The following ISYNA1 variants were observed in gnomAD, a reference collection of about 807,000 sequenced individuals.
ISYNA1 encodes the protein MI-1-P synthase.
Under a neutral mutation model 50.3 loss-of-function variants are expected in ISYNA1, and 34 were observed. The ratio of observed to expected loss-of-function variants is 0.68; its 90% CI spans 0.51 to 0.90. The LOEUF (loss-of-function observed/expected upper bound fraction) is 0.90, where lower values mean the gene tolerates loss of function less well. Ranked by LOEUF, ISYNA1 falls within the 40% of genes least tolerant of loss-of-function variation. The pLI, the probability that ISYNA1 is intolerant of heterozygous loss-of-function variation, is 0.00. For synonymous variants in ISYNA1, 396 were observed against 349.9 expected (o/e 1.13, Z -1.47); for missense variants, 718 against 784.8 (o/e 0.91, Z 1.02).
chr19:18,437,348 TC>T, intron 3 of ISYNA1: 2 of 1,377,488 alleles, frequency 1.5e-6, no homozygotes, highest in Non-Finnish European at 1.9e-6. Flanking sequence ...TTCCACGGGG[TC>T]CGCCTGCAGC....
At position 18,435,107 on chromosome 19, in the gene ISYNA1, C is replaced by T. The variant is rs1973909196; in HGVS notation, c.1483G>A (p.Gly495Arg). ...AGCATGTGGTTCTGTGGCGGGAGCC[C>T]CACGCAGGCCCTGGAGAGGTCACAC... is the stretch of plus-strand genomic sequence containing the variant. ...CIENILRACV[G>R]LPPQNHMLLE... Residue 495 changes from glycine to arginine, a missense_variant, in exon 11 of 11, where the codon GGG becomes AGG. Around this residue, in one of 3 missense-constraint regions of ISYNA1, gnomAD observed 305 missense variants for 292.6 expected, o/e 1.04. Transcript: ENST00000338128. The T allele has an allele frequency of 2.5e-6, 4 of 1,613,198 alleles. No individual in the cohort carries two copies. Among genetic ancestry groups the T allele is most frequent in the Non-Finnish European group, 3.4e-6 (4 of 1,179,966 alleles).
In ISYNA1 at chr19:18,435,587, T is replaced by A; in HGVS notation, c.1230A>T (p.Thr410=). 3 of 1,609,092 alleles carry A rather than the reference T, an allele frequency of 1.9e-6. No individual in the cohort carries two copies. The highest frequency in any genetic ancestry group is 2.5e-6 in the Non-Finnish European group (3 of 1,178,098). ...TSELMLGGTN[T]LVLHNTCEDS... ...CCTCACACGTGTTGTGCAGCACCAGTGTGTTGGTTCCGCCCAGCATCAGCT... is the reference window on the plus strand; with the variant it reads ...CCTCACACGTGTTGTGCAGCACCAGAGTGTTGGTTCCGCCCAGCATCAGCT... Residue 410 remains threonine, a synonymous_variant, in exon 9 of 11, where the codon ACA becomes ACT. Transcript: ENST00000338128.
At position 18,434,878 on chromosome 19, in the gene ISYNA1, G is replaced by C. The variant is rs1378573011; in HGVS notation, c.*35C>G. ...CAAGGTAGGGTCGTGGGGGGCAGCG[G>C]GGAGGAAGAGCCGAGAAACTGTGTG... On this transcript the variant is annotated 3_prime_UTR_variant, in exon 11 of 11. Coordinates refer to ENST00000338128, the MANE Select transcript of ISYNA1 (RefSeq NM_016368.5). The C allele has an allele frequency of 6.3e-7, 1 of 1,577,748 alleles. No homozygotes were observed.
Position 18,438,066 on chromosome 19 carries a change from G to A in ISYNA1, c.-10+27C>T. On this transcript the variant is annotated intron_variant, in intron 1 of 10. Coordinates refer to ENST00000338128, the MANE Select transcript of ISYNA1 (RefSeq NM_016368.5). ...CAAGCCAGCCTGGGTCCCCACGGAG[G>A]CCGTCCCTGCCCCGAACCGCACTCA... The A allele has an allele frequency of 5.0e-6, 7 of 1,388,276 alleles. No individual in the cohort carries two copies. In the South Asian group the frequency reaches 8.4e-5, roughly 17 times the overall value. The allele number at this position is 1,388,276 out of a possible 1,614,324, so 86.0% of individuals were successfully genotyped here. A position where few individuals can be genotyped will look rare whatever the true frequency, so the allele number is the denominator to read the frequency against.
chr19:18,436,582 G>A (rs533150372), intron 5 of ISYNA1, 102 bp downstream of exon 5: 2 of 1,596,494 alleles, frequency 1.3e-6, no homozygotes, highest in Admixed American at 1.7e-5. Context: ...TCAGTTCCCC[G>A]GGTGTCAAGT....
In ISYNA1 at chr19:18,436,793, G is replaced by T. The variant is rs1334161508; in HGVS notation, c.500C>A (p.Pro167Gln). The T allele has an allele frequency of 1.9e-6, 3 of 1,582,028 alleles. No homozygotes were observed. Among genetic ancestry groups the T allele is most frequent in the Admixed American group, 3.9e-5 (2 of 50,854 alleles). The stretch of plus-strand genomic sequence containing the variant: ...CCGGGGCCGCAGGGCCTCCATGTGC[G>T]GCCACAGTTGCTCCTGCAGCCCCCA... The part of the protein sequence containing the change: ...LDWGLQEQLW[P>Q]HMEALRPRPS... Residue 167 changes from proline to glutamine, a missense_variant, in exon 5 of 11, where the codon CCG (proline) becomes CAG (glutamine). This residue lies in a region of ISYNA1 where 403 missense variants were observed against 466.6 expected (regional missense o/e 0.86). Coordinates refer to ENST00000338128, the MANE Select transcript of ISYNA1 (RefSeq NM_016368.5).
rs1002787875 is a variant in ISYNA1, at chr19:18,434,452, C to G, written c.*461G>C. 6.0e-6 allele frequency: 6 copies of G among 993,384 alleles called. No homozygotes were observed. The East Asian group carries it at 1.5e-4, about 25-fold the overall frequency. The allele number at this position is 993,384 out of a possible 1,614,324, so 61.5% of individuals were successfully genotyped here. A position where few individuals can be genotyped will look rare whatever the true frequency, so the allele number is the denominator to read the frequency against. ...ACGTTCTTTTCTGTATGGACCCTTC[C>G]TGCCATTTGTATTTTGTCCCAGAGA... On this transcript the variant is annotated 3_prime_UTR_variant, in exon 11 of 11. Transcript: ENST00000338128.
chr19:18,434,948 G>A lies in ISYNA1; in HGVS notation c.1642C>T (p.His548Tyr). ...TNGCTGDANG[H>Y]LQEEPPMPTT ...GGCATTGGGGGCTCCTCTTGCAGAT[G>A]CCCATTGGCATCACCGGTGCAGCCA... The change falls in exon 11 of 11, where the codon CAT becomes TAT. Residue 548 changes from histidine (H) to tyrosine (Y), a missense_variant. Coordinates refer to ENST00000338128, the MANE Select transcript of ISYNA1 (RefSeq NM_016368.5). 6.2e-7 allele frequency: 1 copy of A among 1,613,386 alleles called. No individual in the cohort carries two copies. The highest frequency in any genetic ancestry group is 8.5e-7 in the Non-Finnish European group (1 of 1,179,996).
chr19:18,437,858 A>AGGGGG lies in ISYNA1; in HGVS notation c.120+1_120+2insCCCCC. ...GCCTCCTTCCTCAGCCCCCTGGTCC[A>AGGGGG]CCTTGAGAACGCCACCCTCGCGGCT... On this transcript the variant is annotated splice_donor_variant, in intron 2 of 10. Transcript: ENST00000338128. LOFTEE classifies it high-confidence loss of function. The AGGGGG allele has an allele frequency of 6.2e-7, 1 of 1,611,404 alleles. No homozygotes were observed. The highest frequency in any genetic ancestry group is 8.5e-7 in the Non-Finnish European group (1 of 1,179,712).
At chr19:18,436,899 G>A in intron 4 of ISYNA1, 22 bp from the exon 5 acceptor site, 1 of 1,598,174 alleles carries the variant, frequency 6.3e-7, no homozygotes, top group Non-Finnish European at 8.5e-7. Flanking sequence ...CTCACACTCG[G>A]CCCTGCCCGG....
Position 18,436,849 on chromosome 19 carries a change from G to C in ISYNA1, c.444C>G (p.Ala148=). The change falls in exon 5 of 11, where the codon GCC becomes GCG. Residue 148 remains alanine, a synonymous_variant. Coordinates refer to ENST00000338128, the MANE Select transcript of ISYNA1 (RefSeq NM_016368.5). ...DGWDISSLNL[A]EAMRRAKVLD... Reference sequence around the variant, plus strand: ...GCACCTTCGCGCGCCGCATCGCCTCGGCCAGGTTCAGCGACGAGATGTCCC... The same window carrying C: ...GCACCTTCGCGCGCCGCATCGCCTCCGCCAGGTTCAGCGACGAGATGTCCC... 6.3e-7 allele frequency: 1 copy of C among 1,596,950 alleles called. No homozygotes were observed.
Position 18,435,117 on chromosome 19 carries a change from C to T in ISYNA1, c.1473G>A (p.Arg491=), listed in dbSNP as rs765859191. Residue 491 remains arginine (R), a splice_region_variant and synonymous_variant, in exon 11 of 11, where the codon AGG becomes AGA. Transcript: ENST00000338128. ...RQRSCIENIL[R]ACVGLPPQNH... is the part of the protein sequence containing the mutation. Reference sequence around the variant, plus strand: ...TCTGTGGCGGGAGCCCCACGCAGGCCCTGGAGAGGTCACACAGCTTAGCAG... The same window carrying T: ...TCTGTGGCGGGAGCCCCACGCAGGCTCTGGAGAGGTCACACAGCTTAGCAG... 1.2e-6 allele frequency: 2 copies of T among 1,612,760 alleles called. No individual in the cohort carries two copies. Among genetic ancestry groups the T allele is most frequent in the South Asian group, 1.1e-5 (1 of 91,014 alleles).
Position 18,434,836 on chromosome 19 carries a change from T to G in ISYNA1, c.*77A>C. On this transcript the variant is annotated 3_prime_UTR_variant, in exon 11 of 11. Coordinates refer to ENST00000338128, the MANE Select transcript of ISYNA1 (RefSeq NM_016368.5). Reference sequence around the variant, plus strand: ...GAAGGAGGGCTGAGTGGCAGCGCCTTTATTTGTGGGGGCCTTCAAGGTAGG... The same window carrying G: ...GAAGGAGGGCTGAGTGGCAGCGCCTGTATTTGTGGGGGCCTTCAAGGTAGG... The G allele has an allele frequency of 2.8e-5, 34 of 1,227,632 alleles. No individual in the cohort carries two copies. The highest frequency in any genetic ancestry group is 3.8e-5 in the Non-Finnish European group (32 of 840,114). 76.0% of individuals were successfully genotyped at this position (1,227,632 alleles called of 1,614,324 possible).
intron 5 of ISYNA1, 76 bp downstream of exon 5, chr19:18,436,608 G>A (rs1974058937): frequency 1.3e-6 from 2 of 1,599,234 alleles, no homozygotes; most frequent in Non-Finnish European, 1.7e-6. Context: ...CTGGATTCGC[G>A]GGGTGGGGCA....
In ISYNA1 at chr19:18,434,818, G is replaced by A. The variant is rs1973878515; in HGVS notation, c.*95C>T. 2 of 1,054,052 alleles carry A rather than the reference G, an allele frequency of 1.9e-6. No individual in the cohort carries two copies. Among genetic ancestry groups the A allele is most frequent in the East Asian group, 2.4e-5 (1 of 42,100 alleles). The allele number at this position is 1,054,052 out of a possible 1,614,324, so 65.3% of individuals were successfully genotyped here. On this transcript the variant is annotated 3_prime_UTR_variant, in exon 11 of 11. Transcript: ENST00000338128. ...CCCCAAGAACCCCAGGTGGAAGGAG[G>A]GCTGAGTGGCAGCGCCTTTATTTGT...
At position 18,435,876 on chromosome 19, in the gene ISYNA1, C is replaced by T. The variant is rs1341196071; in HGVS notation, c.1021G>A (p.Glu341Lys). 9.3e-6 allele frequency: 15 copies of T among 1,613,934 alleles called. No individual in the cohort carries two copies. The Admixed American group carries it at 2.5e-4, about 27-fold the overall frequency. Residue 341 changes from glutamate to lysine, a missense_variant, in exon 8 of 11, where the codon GAG becomes AAG. Coordinates refer to ENST00000338128, the MANE Select transcript of ISYNA1 (RefSeq NM_016368.5). ...AACTGCAATGGCGCCGATAGGTTCT[C>T]CCCATCGTTGTTGCCCAGGTGGTTG... ...SYNHLGNNDGENLSAPLQFRS... is the reference protein window; with the variant it reads ...SYNHLGNNDGKNLSAPLQFRS...
intron 10 of ISYNA1, 64 bp from the exon 11 acceptor site, chr19:18,435,181 C>G (rs1233186569): frequency 6.3e-6 from 10 of 1,594,264 alleles, no homozygotes; most frequent in Non-Finnish European, 8.6e-6. Flanking sequence ...GGTATCCCTG[C>G]CACCTACAGC....
rs749181038 is a variant in ISYNA1 at position 18,436,044 on chromosome 19, G to A, written c.963C>T (p.Gly321=). 1.9e-6 allele frequency: 3 copies of A among 1,613,422 alleles called. No homozygotes were observed. The Admixed American group carries it at 5.0e-5, about 27-fold the overall frequency. Residue 321 remains glycine (G), a synonymous_variant, in exon 7 of 11, where the codon GGC becomes GGT. Transcript: ENST00000338128. ...TAGGCCCACGCACCTTGAGGCCGGA[G>A]CCAATGAGGAAGTCCACAAGCACGG... is the stretch of plus-strand genomic sequence containing the variant. The part of the protein sequence containing the change: ...VKSVLVDFLI[G]SGLKTMSIVS...
In ISYNA1 at chr19:18,435,631, G is replaced by A; in HGVS notation, c.1186C>T (p.Leu396=). The part of the protein sequence containing the change: ...VPYVGDSKRA[L]DEYTSELMLG... ...ATCAGCTCCGAGGTATACTCATCCA[G>A]CGCGCGCTTGCTGTCACCCACGTAC... Residue 396 remains leucine (L), a synonymous_variant, in exon 9 of 11, where the codon CTG becomes TTG. Transcript: ENST00000338128. 3.1e-6 allele frequency: 5 copies of A among 1,611,410 alleles called. No individual in the cohort carries two copies. The East Asian group carries it at 1.1e-4, about 36-fold the overall frequency.
Sources: gnomAD v4.1 joint callset for allele counts on GRCh38, gnomAD v4.1.1 for gene constraint, gnomAD v4.1.1 regional missense constraint, MANE v1.5 for transcripts, NCBI Gene and HGNC (gene_info 2026-07-23, HGNC 2026-07-21) for gene names.